The following DIS3L2 variants were observed in gnomAD, a reference collection of about 807,000 sequenced individuals.
The protein encoded by DIS3L2 is DIS3 like 3'-5' exoribonuclease 2.
Under a neutral mutation model 97.5 loss-of-function variants are expected in DIS3L2, and 34 were observed. The observed-to-expected ratio is 0.35, with a 90% CI of 0.27 to 0.46. The LOEUF (loss-of-function observed/expected upper bound fraction) is 0.46, where lower values mean the gene tolerates loss of function less well. Among genes scored for constraint, DIS3L2 ranks in the 20% least tolerant of loss-of-function variants. The pLI is 1.00. For synonymous variants in DIS3L2, 435 were observed against 445.2 expected (o/e 0.98, Z 0.29); for missense variants, 1,038 against 1,146.0 (o/e 0.91, Z 1.36).
At position 232,024,238 on chromosome 2, in the gene DIS3L2, A is replaced by G. The variant is rs369708165; in HGVS notation, c.211-39A>G. 7.6e-6 allele frequency: 11 copies of G among 1,449,152 alleles called. No individual in the cohort carries two copies. The African/African-American group carries it at 8.6e-5, about 11-fold the overall frequency. 89.8% of individuals were successfully genotyped at this position (1,449,152 alleles called of 1,614,324 possible). On this transcript the variant is annotated intron_variant, in intron 3 of 20. Transcript: ENST00000325385. Reference sequence around the variant, plus strand: ...ACATACGTGGAAAAATCGTAAATATATAGCTAGATTTTCACAAACTTTATT... The same window carrying G: ...ACATACGTGGAAAAATCGTAAATATGTAGCTAGATTTTCACAAACTTTATT...
In DIS3L2 at chr2:232,102,420, A is replaced by G. The variant is rs182087476; in HGVS notation, c.601+14699A>G. Among the ~76,000 whole-genome samples, 6 of 152,330 alleles carry G rather than the reference A, an allele frequency of 3.9e-5. No homozygotes were observed. In the East Asian group the frequency reaches 1.2e-3, roughly 29 times the overall value. On this transcript the variant is annotated intron_variant, in intron 6 of 20. Coordinates refer to ENST00000325385, the MANE Select transcript of DIS3L2 (RefSeq NM_152383.5). ...TATTAGGTGACATTTTGGAATTACC[A>G]TTAATTTTCTTAGGTGCGATAATGA...
intron 1 of DIS3L2, among the ~76,000 whole-genome samples, chr2:231,962,020 C>A (rs935647023): frequency 6.6e-6 from 1 of 152,248 alleles, no homozygotes; most frequent in African/African-American, 2.4e-5. Context: ...GCGCTTATAG[C>A]GCCGGGGCCC....
downstream of DIS3L2, among the ~76,000 whole-genome samples, chr2:232,337,900 C>A (rs1303631150): frequency 6.6e-6 from 1 of 151,236 alleles, no homozygotes. Context: ...GCCCTGGGAG[C>A]CTTTCCCTCC....
Position 232,086,309 on chromosome 2 carries a change from GTATA to G in DIS3L2, c.367-1176_367-1173del, listed in dbSNP as rs1574863013. ...TATATATGTATACATATATACATATGTATATGTATATGCATATGCATATGTATAT... is the reference window on the plus strand; with the variant it reads ...TATATATGTATACATATATACATATGTGTATATGCATATGCATATGTATAT... On this transcript the variant is annotated intron_variant, in intron 5 of 20. Coordinates refer to ENST00000325385, the MANE Select transcript of DIS3L2 (RefSeq NM_152383.5). Among the ~76,000 whole-genome samples, 3 of 144,598 alleles carry G rather than the reference GTATA, an allele frequency of 2.1e-5. No individual in the cohort carries two copies. In the East Asian group the frequency reaches 5.9e-4, roughly 29 times the overall value. The allele number at this position is 144,598 out of a possible 152,430, so 94.9% of individuals were successfully genotyped here.
At chr2:231,978,813 T>G (rs1315501581) in intron 1 of DIS3L2, 1 of 152,266 alleles carries the variant, frequency 6.6e-6, no homozygotes, top group Non-Finnish European at 1.5e-5. Flanking sequence ...AGGGGAGCTT[T>G]AAGAATATTC....
intron 12 of DIS3L2, among the ~76,000 whole-genome samples, chr2:232,257,457 C>T (rs1226755266): frequency 6.6e-6 from 1 of 152,182 alleles, no homozygotes; most frequent in Non-Finnish European, 1.5e-5. Context: ...AGGATGATTG[C>T]CCTGTTTTCG....
At position 232,334,740 on chromosome 2, in the gene DIS3L2, G is replaced by A. The variant is rs1489037110; in HGVS notation, c.2394+5G>A. ...CAGAAGCGCATCTACTGCAACGTGA[G>A]TGCCCTGGGAGAGCCCGGGGGCGGG... On this transcript the variant is annotated splice_donor_5th_base_variant and intron_variant, in intron 19 of 20. Transcript: ENST00000325385. 2.5e-6 allele frequency: 4 copies of A among 1,600,310 alleles called. No individual in the cohort carries two copies. The highest frequency in any genetic ancestry group is 1.9e-4 in the Middle Eastern group (1 of 5,388).
intron 6 of DIS3L2, among the ~76,000 whole-genome samples, 186 bp from the exon 7 acceptor site, chr2:232,130,433 T>G (rs1364753505): frequency 3.9e-5 from 6 of 152,214 alleles, no homozygotes; most frequent in African/African-American, 1.4e-4. Flanking sequence ...CTGCTGAGGC[T>G]GAGTGCTCAG....
chr2:232,330,801 C>T (rs763592644), intron 16 of DIS3L2, 25 bp downstream of exon 16: 36 of 1,602,564 alleles, frequency 2.2e-5, no homozygotes, highest in Non-Finnish European at 3.0e-5. Flanking sequence ...GCCCCGGCCT[C>T]CCCTGCTCCC....
rs1302737771 is a variant in DIS3L2 at position 232,281,196 on chromosome 2, G to A, written c.1659+17756G>A. ...GGGTGGATCACAAGGTCAGGAGATCGAGACCATCCTGGCTAACATGGTGAA... is the reference window on the plus strand; with the variant it reads ...GGGTGGATCACAAGGTCAGGAGATCAAGACCATCCTGGCTAACATGGTGAA... On this transcript the variant is annotated intron_variant, in intron 13 of 20. Coordinates refer to ENST00000325385, the MANE Select transcript of DIS3L2 (RefSeq NM_152383.5). The surrounding 1 kb of genome is among the most constrained non-coding windows in gnomAD (Gnocchi z 4.1). Among the ~76,000 whole-genome samples the A allele has an allele frequency of 1.3e-5, 2 of 152,140 alleles. No homozygotes were observed. The highest frequency in any genetic ancestry group is 6.5e-5 in the Admixed American group (1 of 15,280).
At chr2:232,155,229 C>A (rs565066671) in intron 8 of DIS3L2, among the ~76,000 whole-genome samples, 2 of 57,400 alleles carry the variant, frequency 3.5e-5, no homozygotes, top group African/African-American at 2.3e-4. Context: ...GCTCCTCCCC[C>A]CTCCTTAATT....
chr2:232,094,394 C>G (rs1470461177), intron 6 of DIS3L2, among the ~76,000 whole-genome samples: 1 of 152,100 alleles, frequency 6.6e-6, no homozygotes, highest in African/African-American at 2.4e-5. Context: ...TCTGCGAGAT[C>G]TGTCAAATGC....
intron 9 of DIS3L2, among the ~76,000 whole-genome samples, chr2:232,163,890 T>G (rs1690728457): frequency 6.6e-6 from 1 of 152,226 alleles, no homozygotes; most frequent in Non-Finnish European, 1.5e-5. Flanking sequence ...GAATAATGTT[T>G]TATGAAAATT....
chr2:232,295,323 A>C (rs578059855), intron 13 of DIS3L2, among the ~76,000 whole-genome samples: 4 of 152,008 alleles, frequency 2.6e-5, no homozygotes, highest in African/African-American at 4.8e-5. Context: ...TTTGTGTCCT[A>C]ATTTTCAGGA....
In DIS3L2 at chr2:232,263,336, G is replaced by C. The variant is rs753722080; in HGVS notation, c.1555G>C (p.Glu519Gln). The change falls in exon 13 of 21, where the codon GAG becomes CAG. Residue 519 changes from glutamate (E) to glutamine (Q), a missense_variant. Transcript: ENST00000325385. ...PAKELPPISPEHSSEEVHQAV... is the reference protein window; with the variant it reads ...PAKELPPISPQHSSEEVHQAV... The stretch of plus-strand genomic sequence containing the variant: ...GAAAGAGCTGCCCCCCATTTCCCCA[G>C]AGCATAGCAGCGAGGAGGTACACCA... 14 of 1,614,212 alleles carry C rather than the reference G, an allele frequency of 8.7e-6. No individual in the cohort carries two copies. The South Asian group carries it at 1.5e-4, about 18-fold the overall frequency.
chr2:232,331,314 C>T (rs891121257), intron 16 of DIS3L2, among the ~76,000 whole-genome samples: 3 of 152,170 alleles, frequency 2.0e-5, no homozygotes, highest in East Asian at 1.9e-4. Flanking sequence ...ATGCAGGGCC[C>T]GAGCATCCTG....
chr2:232,182,355 T>C (rs1303057422), intron 9 of DIS3L2, among the ~76,000 whole-genome samples: 1 of 152,232 alleles, frequency 6.6e-6, no homozygotes, highest in East Asian at 1.9e-4. Context: ...GTGTGGAGAA[T>C]GTTCCATATC....
intron 14 of DIS3L2, among the ~76,000 whole-genome samples, chr2:232,311,872 T>G (rs1429127760): frequency 6.6e-6 from 1 of 152,248 alleles, no homozygotes; most frequent in Non-Finnish European, 1.5e-5. Flanking sequence ...ATTATAAATC[T>G]GCTTGTACAT....
chr2:232,237,304 G>A (rs1044440432), intron 10 of DIS3L2, among the ~76,000 whole-genome samples: 2 of 152,108 alleles, frequency 1.3e-5, no homozygotes, highest in Admixed American at 1.3e-4. Flanking sequence ...CAACTCTCTG[G>A]TAAACCTGGT....
Sources: gnomAD v4.1 joint callset for allele counts (sites outside exome capture counted in the v4.1 genomes callset) on GRCh38, gnomAD v4.1.1 for gene constraint, Gnocchi (gnomAD v3.1) non-coding constraint, MANE v1.5 for transcripts, NCBI Gene and HGNC (gene_info 2026-07-23, HGNC 2026-07-21) for gene names.